The following PHLPP1 variants were observed in gnomAD, a reference collection of about 807,000 sequenced individuals.
PHLPP1 encodes the protein PH domain and leucine rich repeat protein phosphatase 1.
PHLPP1 carries 42 observed loss-of-function variants against 117.2 expected under a neutral mutation model. The observed-to-expected ratio is 0.36, with a 90% CI of 0.28 to 0.46. The LOEUF (loss-of-function observed/expected upper bound fraction) is 0.46, where lower values mean the gene tolerates loss of function less well. Among genes scored for constraint, PHLPP1 ranks in the 20% least tolerant of loss-of-function variants. The pLI, the probability that PHLPP1 is intolerant of heterozygous loss-of-function variation, is 1.00. For synonymous variants in PHLPP1, 1,042 were observed against 970.7 expected, an observed-to-expected ratio of 1.07 and a Z score of -1.37; for missense variants, 2,084 against 2,241.9, an observed-to-expected ratio of 0.93 and a Z score of 1.42.
intron 4 of PHLPP1, among the ~76,000 whole-genome samples, chr18:62,867,969 G>T (rs1037814848): frequency 1.3e-5 from 2 of 151,892 alleles, no homozygotes; most frequent in African/African-American, 4.8e-5. Context: ...CCACCACCAC[G>T]CCCGGCTAAT....
chr18:62,815,772 C>CT, intron 1 of PHLPP1, among the ~76,000 whole-genome samples: 1 of 152,328 alleles, frequency 6.6e-6, no homozygotes, highest in South Asian at 2.1e-4. Context: ...TAGGTGCTCT[C>CT]TTTTGAAGGA....
intron 1 of PHLPP1, among the ~76,000 whole-genome samples, chr18:62,811,976 A>G (rs537808038): frequency 6.6e-6 from 1 of 152,304 alleles, no homozygotes; most frequent in Non-Finnish European, 1.5e-5. Context: ...TGCTCTTGGA[A>G]TTTTTGTTTA....
intron 1 of PHLPP1, among the ~76,000 whole-genome samples, chr18:62,721,136 T>G (rs1910903265): frequency 2.6e-5 from 4 of 152,186 alleles, no homozygotes; most frequent in Admixed American, 2.6e-4. Flanking sequence ...TATCCTCTAG[T>G]TCAAAGTGGT....
At chr18:62,932,589 A>G (rs1909847589) in intron 10 of PHLPP1, among the ~76,000 whole-genome samples, 1 of 152,228 alleles carries the variant, frequency 6.6e-6, no homozygotes. Flanking sequence ...AAAACTCTCA[A>G]CAAACTAGGC....
At chr18:62,878,362 ACTCCT>A (rs888097789) in intron 4 of PHLPP1, among the ~76,000 whole-genome samples, 28 of 151,842 alleles carry the variant, frequency 1.8e-4, no homozygotes, top group African/African-American at 6.5e-4. Context: ...GGAGACCAAT[ACTCCT>A]CTCCTCCCTC....
chr18:62,940,021 G>C (rs1372632746), intron 10 of PHLPP1, among the ~76,000 whole-genome samples: 1 of 152,078 alleles, frequency 6.6e-6, no homozygotes, highest in Non-Finnish European at 1.5e-5. Context: ...GGGGCCAGGG[G>C]GAGGCATGGG....
chr18:62,976,929 G>A (rs963857185), intron 16 of PHLPP1, among the ~76,000 whole-genome samples: 1 of 152,186 alleles, frequency 6.6e-6, no homozygotes, highest in African/African-American at 2.4e-5. Flanking sequence ...TGATGAATTA[G>A]CGAATGGAGC....
intron 1 of PHLPP1, among the ~76,000 whole-genome samples, chr18:62,800,048 G>A (rs1230324715): frequency 6.6e-6 from 1 of 152,124 alleles, no homozygotes; most frequent in Non-Finnish European, 1.5e-5. Flanking sequence ...ATAGAACCTA[G>A]CAGGAGATGC....
chr18:62,718,139 T>C (rs1910816552), intron 1 of PHLPP1, among the ~76,000 whole-genome samples: 2 of 152,242 alleles, frequency 1.3e-5, no homozygotes, highest in Non-Finnish European at 1.5e-5. Context: ...TCAGGAGCTA[T>C]AGATGCTGGA....
chr18:62,761,530 G>C (rs950572922), intron 1 of PHLPP1, among the ~76,000 whole-genome samples: 12 of 152,202 alleles, frequency 7.9e-5, no homozygotes, highest in Non-Finnish European at 1.8e-4. Flanking sequence ...CTACTTGGGA[G>C]GCTGAGGCAT....
intron 4 of PHLPP1, among the ~76,000 whole-genome samples, chr18:62,863,819 T>C (rs1915694529): frequency 6.6e-6 from 1 of 152,146 alleles, no homozygotes; most frequent in Non-Finnish European, 1.5e-5. Flanking sequence ...AAGATCTTTG[T>C]GACCTGTATC....
rs1003078158 is a variant in PHLPP1 at position 62,743,515 on chromosome 18, G to A, written c.1576+26256G>A. Among the ~76,000 whole-genome samples, 6 of 151,744 alleles carry A rather than the reference G, an allele frequency of 4.0e-5. No individual in the cohort carries two copies. The South Asian group carries it at 8.3e-4, about 21-fold the overall frequency. On this transcript the variant is annotated intron_variant, in intron 1 of 16. Transcript: ENST00000262719. ...CATCCATAAATACCTCTAAACTTAA[G>A]TATCGCCATACAGAAATACTCCTTT...
At chr18:62,732,565 A>G (rs1599017449) in intron 1 of PHLPP1, among the ~76,000 whole-genome samples, 1 of 152,230 alleles carries the variant, frequency 6.6e-6, no homozygotes, top group East Asian at 1.9e-4. Flanking sequence ...GCCTGCTAAC[A>G]CAACATCCAT....
At chr18:62,761,619 C>T (rs1349800477) in intron 1 of PHLPP1, among the ~76,000 whole-genome samples, 6 of 145,300 alleles carry the variant, frequency 4.1e-5, no homozygotes, top group African/African-American at 1.0e-4. Flanking sequence ...GGTGACAGAG[C>T]GAGACTCCGT....
chr18:62,754,481 C>T (rs569604636), intron 1 of PHLPP1, among the ~76,000 whole-genome samples: 23 of 152,308 alleles, frequency 1.5e-4, no homozygotes, highest in South Asian at 4.1e-4. Flanking sequence ...AGAGGCTTTC[C>T]GTTAAGAGGA....
chr18:62,736,073 G>T (rs936088105), intron 1 of PHLPP1, among the ~76,000 whole-genome samples: 1 of 152,162 alleles, frequency 6.6e-6, no homozygotes, highest in South Asian at 2.1e-4. Context: ...CCGAAAGGGG[G>T]CAGAGAGCAT....
Position 62,887,564 on chromosome 18 carries a change from G to A in PHLPP1, c.2067-7447G>A, listed in dbSNP as rs993103452. On this transcript the variant is annotated intron_variant, in intron 4 of 16. Transcript: ENST00000262719. ...TCAAGGATGCAGCTTTCCTCCTTTC[G>A]TCCTCACGTGGCTGAAGGGGCAAGG... is the stretch of plus-strand genomic sequence containing the variant. Among the ~76,000 whole-genome samples, 11 of 152,242 alleles carry A rather than the reference G, an allele frequency of 7.2e-5. No individual in the cohort carries two copies. The East Asian group carries it at 1.9e-3, about 27-fold the overall frequency.
chr18:62,958,498 C>T, intron 12 of PHLPP1, 131 bp from the exon 13 acceptor site: 1 of 791,230 alleles, frequency 1.3e-6, no homozygotes, highest in Non-Finnish European at 1.9e-6. Flanking sequence ...GATAAGCCTC[C>T]TTTTCCACAT....
At chr18:62,733,500 C>T (rs1911284570) in intron 1 of PHLPP1, among the ~76,000 whole-genome samples, 1 of 152,190 alleles carries the variant, frequency 6.6e-6, no homozygotes, top group Non-Finnish European at 1.5e-5. Flanking sequence ...TGGTCTGGAA[C>T]TGAACCTGCA....
Sources: allele counts gnomAD v4.1 joint callset (sites outside exome capture counted in the v4.1 genomes callset), GRCh38; gene constraint gnomAD v4.1.1; transcripts MANE v1.5; gene names NCBI Gene and HGNC (gene_info 2026-07-23, HGNC 2026-07-21).